CNTNAP5: variants seen among roughly 807,000 people sequenced by gnomAD.
CNTNAP5 encodes contactin associated protein family member 5.
In CNTNAP5, 72 loss-of-function variants were observed where a neutral mutation model predicts 150.2. That is an observed-to-expected ratio of 0.48 (90% CI 0.40 to 0.58). The LOEUF (loss-of-function observed/expected upper bound fraction) is 0.58, where lower values mean the gene tolerates loss of function less well. Among genes scored for constraint, CNTNAP5 ranks in the 20% least tolerant of loss-of-function variants. The pLI is 0.00. For synonymous variants in CNTNAP5, 672 were observed against 619.8 expected (o/e 1.08, Z -1.25); for missense variants, 1,636 against 1,626.2 (o/e 1.01, Z -0.10).
intron 3 of CNTNAP5, among the ~76,000 whole-genome samples, chr2:124,401,504 A>T (rs1262058783): frequency 6.6e-6 from 1 of 152,234 alleles, no homozygotes; most frequent in African/African-American, 2.4e-5. Flanking sequence ...TTCTAGGAAG[A>T]ATTTTGAGAA....
At chr2:124,234,361 A>C (rs1306918650) in intron 2 of CNTNAP5, among the ~76,000 whole-genome samples, 1 of 152,186 alleles carries the variant, frequency 6.6e-6, no homozygotes, top group African/African-American at 2.4e-5. Flanking sequence ...AAGGATGGAA[A>C]TATGTGTAAG....
intron 3 of CNTNAP5, among the ~76,000 whole-genome samples, chr2:124,363,674 G>T (rs1233903931): frequency 1.3e-5 from 2 of 152,012 alleles, no homozygotes; most frequent in African/African-American, 2.4e-5. Flanking sequence ...TTACATTTTT[G>T]TTAAAAGGAT....
rs572153990 is a variant in CNTNAP5 at position 124,610,889 on chromosome 2, G to A, written c.1876+969G>A. On this transcript the variant is annotated intron_variant, in intron 12 of 23. Coordinates refer to ENST00000682447, the MANE Select transcript of CNTNAP5 (RefSeq NM_001367498.1). ...CGAGACTCGCTTGAACCCGGGAGAC[G>A]GAGGTTGCAGTCAGCCGAGATCGTG... Among the ~76,000 whole-genome samples, 5 of 151,268 alleles carry A rather than the reference G, an allele frequency of 3.3e-5. No homozygotes were observed. In the East Asian group the frequency reaches 5.9e-4, roughly 18 times the overall value.
At chr2:124,379,228 G>A (rs924882043) in intron 3 of CNTNAP5, among the ~76,000 whole-genome samples, 43 of 151,674 alleles carry the variant, frequency 2.8e-4, no homozygotes, top group African/African-American at 8.5e-4. Context: ...TCTTGGTGCT[G>A]TACATGCTAG....
intron 3 of CNTNAP5, among the ~76,000 whole-genome samples, chr2:124,358,961 G>C (rs1690109052): frequency 6.7e-6 from 1 of 149,706 alleles, no homozygotes; most frequent in African/African-American, 2.5e-5. Context: ...GTAAACTATT[G>C]ATTATTGCCA....
At chr2:124,220,787 C>A (rs1427321807) in intron 1 of CNTNAP5, among the ~76,000 whole-genome samples, 1 of 152,050 alleles carries the variant, frequency 6.6e-6, no homozygotes, top group Non-Finnish European at 1.5e-5. Context: ...GAGGGTGGAG[C>A]CCTCACAGCC....
At chr2:124,702,113 C>A (rs1274666132) in intron 13 of CNTNAP5, among the ~76,000 whole-genome samples, 1 of 151,910 alleles carries the variant, frequency 6.6e-6, no homozygotes. Context: ...CCTTAAACTT[C>A]AAAAATTCTT....
intron 3 of CNTNAP5, among the ~76,000 whole-genome samples, chr2:124,398,440 G>T (rs962201330): frequency 1.3e-5 from 2 of 152,086 alleles, no homozygotes; most frequent in African/African-American, 4.8e-5. Flanking sequence ...AGATAATTTG[G>T]AAAGCAGAGG....
chr2:124,827,696 C>A (rs1682627527), intron 19 of CNTNAP5, among the ~76,000 whole-genome samples: 1 of 152,158 alleles, frequency 6.6e-6, no homozygotes, highest in Admixed American at 6.5e-5. Context: ...TCGTATAATA[C>A]ATTTTCCTTT....
intron 11 of CNTNAP5, among the ~76,000 whole-genome samples, chr2:124,567,343 G>A (rs971359217): frequency 6.6e-6 from 1 of 152,088 alleles, no homozygotes; most frequent in African/African-American, 2.4e-5. Flanking sequence ...GATACTTAAG[G>A]GACTTGGATA....
chr2:124,284,812 G>A (rs1394833710), intron 3 of CNTNAP5, among the ~76,000 whole-genome samples: 1 of 152,104 alleles, frequency 6.6e-6, no homozygotes, highest in Non-Finnish European at 1.5e-5. Context: ...CTTCTAAGGT[G>A]GAGTGTGTGC....
intron 1 of CNTNAP5, among the ~76,000 whole-genome samples, chr2:124,042,455 T>C (rs1489791320): frequency 6.6e-6 from 1 of 152,164 alleles, no homozygotes; most frequent in Non-Finnish European, 1.5e-5. Flanking sequence ...GGCCTGGCTG[T>C]ACTGTCCTCA....
intron 12 of CNTNAP5, among the ~76,000 whole-genome samples, chr2:124,642,450 A>G (rs971196634): frequency 4.6e-5 from 7 of 152,168 alleles, no homozygotes; most frequent in African/African-American, 1.7e-4. Context: ...TCACTTGACG[A>G]AGCCATCCAG....
intron 13 of CNTNAP5, among the ~76,000 whole-genome samples, chr2:124,717,616 A>G (rs1679970528): frequency 6.6e-6 from 1 of 152,178 alleles, no homozygotes; most frequent in Non-Finnish European, 1.5e-5. Flanking sequence ...AGGACCTGGA[A>G]TCCACAATTT....
intron 3 of CNTNAP5, among the ~76,000 whole-genome samples, chr2:124,343,168 A>G (rs1217891336): frequency 6.6e-6 from 1 of 152,166 alleles, no homozygotes; most frequent in Non-Finnish European, 1.5e-5. Context: ...AAGCAATTGA[A>G]AAGAAAATTT....
chr2:124,167,720 G>A (rs1573805932), intron 1 of CNTNAP5, among the ~76,000 whole-genome samples: 1 of 152,338 alleles, frequency 6.6e-6, no homozygotes, highest in Non-Finnish European at 1.5e-5. Flanking sequence ...CTACTCTGCA[G>A]TGTGAGAGGG....
chr2:124,617,776 G>A (rs928548189), intron 12 of CNTNAP5, among the ~76,000 whole-genome samples: 1 of 152,102 alleles, frequency 6.6e-6, no homozygotes. Context: ...TGACACAGCA[G>A]CAATTAACGT....
chr2:124,796,687 G>T (rs6748714), intron 18 of CNTNAP5, among the ~76,000 whole-genome samples: 5,240 of 152,250 alleles, frequency 0.034, 291 homozygotes, highest in African/African-American at 0.12. Flanking sequence ...GGAAGAAAAA[G>T]CCAGGTATTA....
chr2:124,777,413 C>T lies in CNTNAP5; in HGVS notation c.2752+4396C>T, dbSNP rs940976368. Among the ~76,000 whole-genome samples the T allele has an allele frequency of 5.9e-5, 9 of 152,180 alleles. No homozygotes were observed. In the South Asian group the frequency reaches 1.5e-3, roughly 25 times the overall value. On this transcript the variant is annotated intron_variant, in intron 17 of 23. Coordinates refer to ENST00000682447, the MANE Select transcript of CNTNAP5 (RefSeq NM_001367498.1). Reference sequence around the variant, plus strand: ...TTTTTGAAACAGAGTCTCTCTCCATCGCCCAGGCTGGAGTGCAGTGGTACG... The same window carrying T: ...TTTTTGAAACAGAGTCTCTCTCCATTGCCCAGGCTGGAGTGCAGTGGTACG...
Sources: allele counts gnomAD v4.1 joint callset (sites outside exome capture counted in the v4.1 genomes callset), GRCh38; gene constraint gnomAD v4.1.1; transcripts MANE v1.5; gene names NCBI Gene and HGNC (gene_info 2026-07-23, HGNC 2026-07-21).